PLCL1: variants seen among roughly 807,000 people sequenced by gnomAD.
PLCL1 encodes phospholipase C like 1 (inactive), also known as inactive phospholipase C-like protein 1.
PLCL1 carries 41 observed loss-of-function variants against 84.4 expected under a neutral mutation model. That is an observed-to-expected ratio of 0.49 (90% CI 0.38 to 0.63). PLCL1 has a LOEUF of 0.63. Among genes scored for constraint, PLCL1 ranks in the 30% least tolerant of loss-of-function variants. The pLI is 0.00. For missense variants in PLCL1, 1,206 were observed against 1,367.8 expected, an observed-to-expected ratio of 0.88 and a Z score of 1.87; for synonymous variants, 490 against 488.3, an observed-to-expected ratio of 1.00 and a Z score of -0.05.
chr2:198,069,828 T>C (rs1692419330), intron 1 of PLCL1, among the ~76,000 whole-genome samples: 1 of 152,200 alleles, frequency 6.6e-6, no homozygotes, highest in African/African-American at 2.4e-5. Flanking sequence ...GTACAATTAG[T>C]AGAAGAGTAT....
intron 1 of PLCL1, among the ~76,000 whole-genome samples, chr2:197,923,839 T>C (rs1007538324): frequency 1.5e-4 from 23 of 151,130 alleles, no homozygotes; most frequent in African/African-American, 5.6e-4. Flanking sequence ...CGAGCCGAGA[T>C]CACGCCATTG....
At chr2:197,983,172 TTTTTTC>T (rs1214949170) in intron 1 of PLCL1, among the ~76,000 whole-genome samples, 6 of 149,560 alleles carry the variant, frequency 4.0e-5, no homozygotes, top group East Asian at 1.9e-4. Context: ...TCTTTCTTTC[TTTTTTC>T]TTTTTCTTTT....
intron 1 of PLCL1, among the ~76,000 whole-genome samples, chr2:197,863,641 T>C (rs1254384019): frequency 6.6e-6 from 1 of 152,206 alleles, no homozygotes; most frequent in Non-Finnish European, 1.5e-5. Flanking sequence ...TAAAATTTCC[T>C]TTTATTATCA....
At chr2:197,925,836 T>C (rs1356313108) in intron 1 of PLCL1, among the ~76,000 whole-genome samples, 1 of 152,124 alleles carries the variant, frequency 6.6e-6, no homozygotes, top group African/African-American at 2.4e-5. Context: ...ATCTCTCTTT[T>C]AGCTGGAGAC....
chr2:197,867,174 G>A (rs1687564950), intron 1 of PLCL1, among the ~76,000 whole-genome samples: 1 of 152,166 alleles, frequency 6.6e-6, no homozygotes, highest in Non-Finnish European at 1.5e-5. Context: ...GTTCAGGGAA[G>A]GGCATTTCTG....
At chr2:197,908,487 A>T (rs1046098177) in intron 1 of PLCL1, among the ~76,000 whole-genome samples, 2 of 152,202 alleles carry the variant, frequency 1.3e-5, no homozygotes, top group Admixed American at 1.3e-4. Flanking sequence ...GTTATTCACA[A>T]CAAGTCTACT....
At chr2:197,814,938 C>CAT (rs2106415975) in intron 1 of PLCL1, among the ~76,000 whole-genome samples, 1 of 152,238 alleles carries the variant, frequency 6.6e-6, no homozygotes, top group Non-Finnish European at 1.5e-5. Flanking sequence ...TGGAAGCTAG[C>CAT]AGAGGTTGGT....
At chr2:197,988,056 A>G (rs1690255826) in intron 1 of PLCL1, among the ~76,000 whole-genome samples, 1 of 152,042 alleles carries the variant, frequency 6.6e-6, no homozygotes, top group Admixed American at 6.6e-5. Context: ...TATTGCGGGT[A>G]TATACTGAGA....
chr2:197,916,781 C>T (rs1688608403), intron 1 of PLCL1, among the ~76,000 whole-genome samples: 1 of 151,860 alleles, frequency 6.6e-6, no homozygotes. Flanking sequence ...TTATTACCTG[C>T]TCAAATAAAA....
At chr2:198,093,459 A>G (rs1693103843) in intron 3 of PLCL1, among the ~76,000 whole-genome samples, 1 of 152,166 alleles carries the variant, frequency 6.6e-6, no homozygotes, top group Non-Finnish European at 1.5e-5. Flanking sequence ...TTCTCGTAAA[A>G]ATACAGTCTA....
intron 1 of PLCL1, among the ~76,000 whole-genome samples, chr2:197,876,645 T>C (rs1687738014): frequency 6.6e-6 from 1 of 152,100 alleles, no homozygotes; most frequent in Non-Finnish European, 1.5e-5. Context: ...AGGATTGTTT[T>C]TGGAGGGGGC....
At chr2:197,893,081 T>C (rs1188765927) in intron 1 of PLCL1, among the ~76,000 whole-genome samples, 2 of 152,224 alleles carry the variant, frequency 1.3e-5, no homozygotes, top group Non-Finnish European at 2.9e-5. Flanking sequence ...TTAACTGTAT[T>C]GAGTTACAAA....
chr2:197,932,220 T>C (rs750561037), intron 1 of PLCL1, among the ~76,000 whole-genome samples: 2 of 152,014 alleles, frequency 1.3e-5, no homozygotes, highest in African/African-American at 2.4e-5. Flanking sequence ...TTCTGTTGAA[T>C]GAGATTATGC....
chr2:197,828,664 G>T (rs1410996568), intron 1 of PLCL1, among the ~76,000 whole-genome samples: 2 of 152,070 alleles, frequency 1.3e-5, no homozygotes, highest in African/African-American at 4.8e-5. Flanking sequence ...GCTTATGTGG[G>T]CAGAAACTTG....
Position 198,146,920 on chromosome 2 carries a change from C to T in PLCL1, c.3246C>T (p.Ala1082=). The T allele has an allele frequency of 6.2e-7, 1 of 1,612,652 alleles. No homozygotes were observed. ...CCAAGAGCAAGCGCAGCCTGGAAGC[C>T]ATAGAGGAGAAGGAAAGTAGTGAGG... is the stretch of plus-strand genomic sequence containing the variant. The part of the protein sequence containing the change: ...AEAKSKRSLE[A]IEEKESSEEN... The change falls in exon 6 of 6, where the codon GCC becomes GCT. Residue 1082 remains alanine (A), a synonymous_variant. Transcript: ENST00000428675.
At position 198,084,746 on chromosome 2, in the gene PLCL1, A is replaced by G. The variant is rs777198566; in HGVS notation, c.1229A>G (p.Asn410Ser). The change falls in exon 2 of 6, where the codon AAT (asparagine) becomes AGT (serine). Residue 410 changes from asparagine to serine, a missense_variant. Asn to Ser is a conservative substitution (Grantham distance 46). Coordinates refer to ENST00000428675, the MANE Select transcript of PLCL1 (RefSeq NM_006226.4). Reference sequence around the variant, plus strand: ...CAGCCATTATCTCACTACTATATCAATGCCTCTCATAACACCTATCTAATA... The same window carrying G: ...CAGCCATTATCTCACTACTATATCAGTGCCTCTCATAACACCTATCTAATA... ...MTQPLSHYYI[N>S]ASHNTYLIED... is the part of the protein sequence containing the mutation. 1 of 1,614,140 alleles carries G rather than the reference A, an allele frequency of 6.2e-7. No individual in the cohort carries two copies. The highest frequency in any genetic ancestry group is 2.2e-5 in the East Asian group (1 of 44,876).
chr2:198,064,129 T>C (rs1193131678), intron 1 of PLCL1, among the ~76,000 whole-genome samples: 1 of 152,134 alleles, frequency 6.6e-6, no homozygotes, highest in Non-Finnish European at 1.5e-5. Flanking sequence ...CTCAGGGAGC[T>C]CTGGGAGACA....
chr2:198,021,433 G>C (rs779748397), intron 1 of PLCL1, among the ~76,000 whole-genome samples: 19 of 151,966 alleles, frequency 1.3e-4, no homozygotes, highest in Non-Finnish European at 1.9e-4. Context: ...CACAAAAAAC[G>C]CTTCAAAAAA....
chr2:198,009,191 C>G (rs1690806379), intron 1 of PLCL1, among the ~76,000 whole-genome samples: 1 of 151,818 alleles, frequency 6.6e-6, no homozygotes, highest in African/African-American at 2.4e-5. Context: ...GTTTTTGTGT[C>G]ATTCCATTTG....
Sources: gnomAD v4.1 joint callset for allele counts (sites outside exome capture counted in the v4.1 genomes callset) on GRCh38, gnomAD v4.1.1 for gene constraint, MANE v1.5 for transcripts, NCBI Gene and HGNC (gene_info 2026-07-23, HGNC 2026-07-21) for gene names.